DOCK4: variants seen among roughly 807,000 people sequenced by gnomAD.
DOCK4 encodes the protein dedicator of cytokinesis 4.
DOCK4 carries 97 observed loss-of-function variants against 268.1 expected under a neutral mutation model. The observed-to-expected ratio is 0.36, with a 90% CI of 0.31 to 0.43. The LOEUF is 0.43. Ranked by LOEUF, DOCK4 falls within the 20% of genes least tolerant of loss-of-function variation. The probability of loss-of-function intolerance (pLI) is 1.00; values close to 1 mark genes in which losing one functional copy is unlikely to be tolerated. For missense variants in DOCK4, 2,145 were observed against 2,455.7 expected (o/e 0.87, Z 2.67); for synonymous variants, 954 against 887.2 (o/e 1.08, Z -1.34).
chr7:111,728,281 TGAGA>T lies in DOCK4; in HGVS notation c.5917_5920del (p.Gln1974TyrfsTer28). Reference sequence around the variant, plus strand: ...GGTACATAGAAAAGTGACTTATAACTGAGAGACCTTGCGGGGCAGGGGCCTGGGC... The same window carrying T: ...GGTACATAGAAAAGTGACTTATAACTGACCTTGCGGGGCAGGGGCCTGGGC... On this transcript the variant is annotated frameshift_variant, in exon 53 of 53. Transcript: ENST00000428084. LOFTEE classifies it high-confidence loss of function. 6.7e-7 allele frequency: 1 copy of T among 1,495,578 alleles called. No individual in the cohort carries two copies. The highest frequency in any genetic ancestry group is 8.9e-7 in the Non-Finnish European group (1 of 1,122,648). The allele number at this position is 1,495,578 out of a possible 1,614,324, so 92.6% of individuals were successfully genotyped here. A position where few individuals can be genotyped will look rare whatever the true frequency, so the allele number is the denominator to read the frequency against.
chr7:112,109,816 C>T (rs1486929216), intron 1 of DOCK4, among the ~76,000 whole-genome samples: 4 of 147,708 alleles, frequency 2.7e-5, no homozygotes, highest in African/African-American at 7.6e-5. Context: ...GGGATCTCGG[C>T]TCACTGCAAG....
rs181081186 is a variant in DOCK4 at position 112,010,632 on chromosome 7, G to A, written c.38-6501C>T. ...GGGATCTGCCTTCATCTGGTAATAGGCTGTGCCCACAGGCCTCACACACCT... is the reference window on the plus strand; with the variant it reads ...GGGATCTGCCTTCATCTGGTAATAGACTGTGCCCACAGGCCTCACACACCT... On this transcript the variant is annotated intron_variant, in intron 1 of 52. Coordinates refer to ENST00000428084, the MANE Select transcript of DOCK4 (RefSeq NM_001363540.2). Among the ~76,000 whole-genome samples, 82 of 152,282 alleles carry A rather than the reference G, an allele frequency of 5.4e-4. 1 individual carries two copies. In the East Asian group the frequency reaches 0.014, roughly 25 times the overall value.
intron 1 of DOCK4, among the ~76,000 whole-genome samples, chr7:112,050,301 C>T (rs538432610): frequency 1.5e-3 from 233 of 152,188 alleles, no homozygotes; most frequent in Non-Finnish European, 3.1e-3. Context: ...ATAAACGTTT[C>T]CCTGGACTAT....
intron 24 of DOCK4, among the ~76,000 whole-genome samples, chr7:111,845,261 C>T (rs1487153296): frequency 6.6e-6 from 1 of 152,196 alleles, no homozygotes; most frequent in East Asian, 1.9e-4. Flanking sequence ...TCTATGATTC[C>T]TTGGTTCCAG....
intron 16 of DOCK4, among the ~76,000 whole-genome samples, chr7:111,892,225 A>G (rs558603487): frequency 6.6e-6 from 1 of 152,220 alleles, no homozygotes; most frequent in South Asian, 2.1e-4. Context: ...TTTGAGACTG[A>G]GTTTTACTCC....
At chr7:112,173,811 C>T (rs1586973943) in intron 1 of DOCK4, among the ~76,000 whole-genome samples, 1 of 152,062 alleles carries the variant, frequency 6.6e-6, no homozygotes, top group Non-Finnish European at 1.5e-5. Flanking sequence ...GCAAGAAAGG[C>T]TACCTAAGCA....
At chr7:112,188,147 A>G (rs1424994232) in intron 1 of DOCK4, among the ~76,000 whole-genome samples, 5 of 152,248 alleles carry the variant, frequency 3.3e-5, no homozygotes, top group Admixed American at 1.3e-4. Context: ...AAGATAACAC[A>G]TAATGCTGCA....
chr7:112,206,280 C>T lies in DOCK4; in HGVS notation c.-142G>A. Reference sequence around the variant, plus strand: ...GGCTGCGGGCGCTGGGCAGGATCTGCGCTGGAGGCTCCCGAGCCCAGCGTT... The same window carrying T: ...GGCTGCGGGCGCTGGGCAGGATCTGTGCTGGAGGCTCCCGAGCCCAGCGTT... On this transcript the variant is annotated 5_prime_UTR_variant, in exon 1 of 53. Transcript: ENST00000428084. 1.1e-6 allele frequency: 1 copy of T among 893,610 alleles called. No individual in the cohort carries two copies. Among genetic ancestry groups the T allele is most frequent in the Non-Finnish European group, 1.7e-6 (1 of 587,414 alleles). The allele number at this position is 893,610 out of a possible 1,614,324, so 55.4% of individuals were successfully genotyped here.
chr7:111,844,255 G>A (rs1803921103), intron 25 of DOCK4, among the ~76,000 whole-genome samples: 1 of 152,186 alleles, frequency 6.6e-6, no homozygotes, highest in African/African-American at 2.4e-5. Context: ...CAACCTGGGA[G>A]ACAGAGCGAG....
intron 1 of DOCK4, among the ~76,000 whole-genome samples, chr7:112,049,412 G>C (rs2135545722): frequency 6.6e-6 from 1 of 151,798 alleles, no homozygotes; most frequent in South Asian, 2.1e-4. Flanking sequence ...AGCGAAGAGA[G>C]GAAATAAATT....
chr7:111,921,232 T>C (rs903062663), intron 12 of DOCK4, among the ~76,000 whole-genome samples: 1 of 152,184 alleles, frequency 6.6e-6, no homozygotes, highest in African/African-American at 2.4e-5. Flanking sequence ...GGCATAGTCA[T>C]TAATCTGGAG....
rs558733628 is a variant in DOCK4 at position 111,938,961 on chromosome 7, G to A, written c.977+1149C>T. Reference sequence around the variant, plus strand: ...TACACTCCAGCCTGGGTGACAGAGCGAGACTCTGTCTCAAAAAAAAAAAAA... The same window carrying A: ...TACACTCCAGCCTGGGTGACAGAGCAAGACTCTGTCTCAAAAAAAAAAAAA... On this transcript the variant is annotated intron_variant, in intron 11 of 52. Transcript: ENST00000428084. Among the ~76,000 whole-genome samples the A allele has an allele frequency of 5.9e-4, 85 of 144,414 alleles. 2 individuals are homozygous for A. The highest frequency in any genetic ancestry group is 5.5e-3 in the Admixed American group (79 of 14,464). The allele number at this position is 144,414 out of a possible 152,430, so 94.7% of individuals were successfully genotyped here.
Position 111,742,144 on chromosome 7 carries a change from A to G in DOCK4, c.4678-12T>C. ...TCCAGAATCTGTGCCTTAATTCACA[A>G]CATAAGGAAAAAACCTCACATCAAT... On this transcript the variant is annotated splice_polypyrimidine_tract_variant and intron_variant, in intron 44 of 52. Transcript: ENST00000428084. 6.3e-7 allele frequency: 1 copy of G among 1,576,252 alleles called. No homozygotes were observed. Among genetic ancestry groups the G allele is most frequent in the Non-Finnish European group, 8.6e-7 (1 of 1,163,702 alleles).
chr7:111,942,569 C>T (rs1562919440), intron 10 of DOCK4, among the ~76,000 whole-genome samples: 1 of 152,188 alleles, frequency 6.6e-6, no homozygotes, highest in Non-Finnish European at 1.5e-5. Context: ...TAGTTTACAT[C>T]TGTTCCCCTG....
chr7:112,076,129 T>G (rs1440597053), intron 1 of DOCK4, among the ~76,000 whole-genome samples: 1 of 152,164 alleles, frequency 6.6e-6, no homozygotes, highest in Non-Finnish European at 1.5e-5. Context: ...ACTTTCTTTA[T>G]AAAATACTAC....
chr7:111,846,977 A>T (rs1445856014), intron 24 of DOCK4, 22 bp downstream of exon 24: 4 of 1,612,684 alleles, frequency 2.5e-6, no homozygotes, highest in Middle Eastern at 3.3e-4. Flanking sequence ...GGAGCTATAT[A>T]CTATGACCTG....
intron 1 of DOCK4, among the ~76,000 whole-genome samples, chr7:112,083,309 T>G (rs1437957045): frequency 6.6e-6 from 1 of 152,074 alleles, no homozygotes; most frequent in African/African-American, 2.4e-5. Context: ...TCTCCATTGG[T>G]TTTACATAAA....
chr7:111,926,998 G>T (rs1193568061), intron 12 of DOCK4, among the ~76,000 whole-genome samples: 2 of 152,184 alleles, frequency 1.3e-5, no homozygotes, highest in Admixed American at 1.3e-4. Flanking sequence ...CTGAGTTTTA[G>T]CCAGTATTGT....
intron 8 of DOCK4, among the ~76,000 whole-genome samples, chr7:111,960,897 T>G (rs145803055): frequency 1.2e-4 from 19 of 152,290 alleles, no homozygotes; most frequent in African/African-American, 4.6e-4. Context: ...CCAAAGTGTA[T>G]ATATACCACA....
Sources: allele counts gnomAD v4.1 joint callset (sites outside exome capture counted in the v4.1 genomes callset), GRCh38; gene constraint gnomAD v4.1.1; transcripts MANE v1.5; gene names NCBI Gene and HGNC (gene_info 2026-07-23, HGNC 2026-07-21).